Variants in AFG1L observed in about 807,000 individuals in gnomAD.
The protein encoded by AFG1L is AFG1-like ATPase.
Under a neutral mutation model 62.2 loss-of-function variants are expected in AFG1L, and 53 were observed. That is an observed-to-expected ratio of 0.85 (90% confidence interval 0.68 to 1.07). The LOEUF (loss-of-function observed/expected upper bound fraction) is 1.07, where lower values mean the gene tolerates loss of function less well. Ranked by LOEUF, AFG1L falls within the 50% of genes least tolerant of loss-of-function variation. The pLI is 0.00. For synonymous variants in AFG1L, 228 were observed against 210.3 expected (o/e 1.08, Z -0.73); for missense variants, 555 against 590.5 (o/e 0.94, Z 0.62).
At chr6:108,330,185 T>TA (rs34785299) in intron 2 of AFG1L, among the ~76,000 whole-genome samples, 8,736 of 144,044 alleles carry the variant, frequency 0.061, 314 homozygotes, top group Non-Finnish European at 0.086. Flanking sequence ...CTTTTTTATT[T>TA]TTTTTTTTTT....
intron 1 of AFG1L, among the ~76,000 whole-genome samples, chr6:108,312,583 G>A (rs1042015694): frequency 6.6e-6 from 1 of 151,954 alleles, no homozygotes; most frequent in Non-Finnish European, 1.5e-5. Flanking sequence ...TAATAAAAAA[G>A]AATATCAATA....
chr6:108,374,141 G>A (rs1455369802), intron 6 of AFG1L, among the ~76,000 whole-genome samples: 1 of 152,102 alleles, frequency 6.6e-6, no homozygotes. Flanking sequence ...CTTCTTTTGA[G>A]AAGTGTCTGT....
At chr6:108,479,623 T>C (rs1475211187) in intron 10 of AFG1L, among the ~76,000 whole-genome samples, 4 of 152,242 alleles carry the variant, frequency 2.6e-5, no homozygotes, top group Non-Finnish European at 5.9e-5. Flanking sequence ...AATTCAGATA[T>C]TGATTTCTTG....
chr6:108,476,984 C>A, intron 9 of AFG1L, 49 bp downstream of exon 9: 2 of 1,488,824 alleles, frequency 1.3e-6, no homozygotes, highest in South Asian at 1.1e-5. Flanking sequence ...GAACACAATG[C>A]CCAATCTCCA....
At chr6:108,461,200 G>A (rs1417542804) in intron 8 of AFG1L, among the ~76,000 whole-genome samples, 1 of 152,066 alleles carries the variant, frequency 6.6e-6, no homozygotes, top group Non-Finnish European at 1.5e-5. Context: ...ATATGTTTTT[G>A]ATAAGTAGCT....
intron 1 of AFG1L, among the ~76,000 whole-genome samples, chr6:108,307,625 A>G (rs1777255253): frequency 6.6e-6 from 1 of 152,172 alleles, no homozygotes; most frequent in African/African-American, 2.4e-5. Flanking sequence ...GCCCAGGCCT[A>G]TATAGTACTG....
intron 10 of AFG1L, among the ~76,000 whole-genome samples, chr6:108,483,271 G>T (rs1011916792): frequency 6.6e-6 from 1 of 152,154 alleles, no homozygotes; most frequent in Non-Finnish European, 1.5e-5. Context: ...TGGGCTTAAT[G>T]TAATGGCTTT....
intron 6 of AFG1L, among the ~76,000 whole-genome samples, chr6:108,375,312 C>T (rs1046138175): frequency 6.6e-6 from 1 of 152,098 alleles, no homozygotes; most frequent in Non-Finnish European, 1.5e-5. Flanking sequence ...AATTTGGATT[C>T]CTTTTATTTC....
intron 8 of AFG1L, among the ~76,000 whole-genome samples, chr6:108,459,156 C>G (rs1176791599): frequency 6.6e-6 from 1 of 152,150 alleles, no homozygotes; most frequent in South Asian, 2.1e-4. Context: ...CAAGTAGTTG[C>G]TTATGCATAC....
At chr6:108,386,485 A>G (rs1049584148) in intron 6 of AFG1L, among the ~76,000 whole-genome samples, 1 of 152,138 alleles carries the variant, frequency 6.6e-6, no homozygotes, top group Non-Finnish European at 1.5e-5. Context: ...AAAGAAAAGA[A>G]AAGAAAAATA....
At chr6:108,317,171 C>T (rs554009076) in intron 1 of AFG1L, among the ~76,000 whole-genome samples, 19 of 152,220 alleles carry the variant, frequency 1.2e-4, no homozygotes, top group Middle Eastern at 3.4e-3. Context: ...TTTGTAATTA[C>T]CTGTTTACTG....
intron 6 of AFG1L, among the ~76,000 whole-genome samples, chr6:108,394,599 T>TTC (rs1157088713): frequency 9.2e-5 from 14 of 152,238 alleles, no homozygotes; most frequent in African/African-American, 3.4e-4. Flanking sequence ...TTGGTCTGGC[T>TTC]TCTTTTACTC....
intron 10 of AFG1L, among the ~76,000 whole-genome samples, chr6:108,489,997 G>A (rs1773712879): frequency 6.6e-6 from 1 of 152,200 alleles, no homozygotes; most frequent in Non-Finnish European, 1.5e-5. Context: ...GACTAGTATA[G>A]TTTAATCAAA....
intron 1 of AFG1L, among the ~76,000 whole-genome samples, chr6:108,308,455 T>A (rs1449120969): frequency 2.0e-5 from 3 of 152,154 alleles, no homozygotes. Context: ...CCAATTTAGC[T>A]TTTTCATTGC....
intron 7 of AFG1L, among the ~76,000 whole-genome samples, chr6:108,435,191 T>C (rs1018761098): frequency 6.6e-6 from 1 of 152,102 alleles, no homozygotes; most frequent in African/African-American, 2.4e-5. Flanking sequence ...ACTACACACA[T>C]AACGATTATA....
Position 108,402,186 on chromosome 6 carries a change from C to T in AFG1L, c.807+132C>T, listed in dbSNP as rs762687799. 7 of 448,462 alleles carry T rather than the reference C, an allele frequency of 1.6e-5. No individual in the cohort carries two copies. In the East Asian group the frequency reaches 2.4e-4, roughly 16 times the overall value. 27.8% of individuals were successfully genotyped at this position (448,462 alleles called of 1,614,324 possible). ...CATTTAGATAGTAATAGTCAGGGGC[C>T]GGGCACGGTGGCTCATGCCTTTAAT... On this transcript the variant is annotated intron_variant, in intron 7 of 12. Coordinates refer to ENST00000368977, the MANE Select transcript of AFG1L (RefSeq NM_145315.5).
At chr6:108,476,560 G>T (rs1161772431) in intron 8 of AFG1L, among the ~76,000 whole-genome samples, 1 of 152,226 alleles carries the variant, frequency 6.6e-6, no homozygotes, top group East Asian at 1.9e-4. Flanking sequence ...ATGCAAGAGA[G>T]AGCCAGAAGC....
rs1304106421 is a variant in AFG1L at position 108,525,646 on chromosome 6, T to C, written c.*3221T>C. The C allele has an allele frequency of 6.6e-6, 1 of 152,242 alleles. No individual in the cohort carries two copies. 9.4% of individuals were successfully genotyped at this position (152,242 alleles called of 1,614,324 possible). A position where few individuals can be genotyped will look rare whatever the true frequency, so the allele number is the denominator to read the frequency against. ...GTGCTTTATAAATAAACTCTTTTGA[T>C]CCATATAACAGTCTTATGAGATAGG... On this transcript the variant is annotated 3_prime_UTR_variant, in exon 13 of 13. Transcript: ENST00000368977.
intron 11 of AFG1L, 23 bp from the exon 12 acceptor site, chr6:108,519,674 T>A (rs1775045748): frequency 8.0e-7 from 1 of 1,254,728 alleles, no homozygotes; most frequent in Admixed American, 1.9e-5. Flanking sequence ...AGTAACACAT[T>A]TACCCATTTT....
Sources: gnomAD v4.1 joint callset for allele counts (sites outside exome capture counted in the v4.1 genomes callset) on GRCh38, gnomAD v4.1.1 for gene constraint, MANE v1.5 for transcripts, NCBI Gene and HGNC (gene_info 2026-07-23, HGNC 2026-07-21) for gene names.